ARHGEF38: variants seen among roughly 807,000 people sequenced by gnomAD.
ARHGEF38 encodes the protein Rho guanine nucleotide exchange factor (GEF) 38.
ARHGEF38 carries 79 observed loss-of-function variants against 79.9 expected under a neutral mutation model. The ratio of observed to expected loss-of-function variants is 0.99; its 90% CI spans 0.82 to 1.19. The LOEUF (loss-of-function observed/expected upper bound fraction) is 1.19, where lower values mean the gene tolerates loss of function less well. Ranked by LOEUF, ARHGEF38 falls within the 50% of genes most tolerant of loss-of-function variation. The pLI, the probability that ARHGEF38 is intolerant of heterozygous loss-of-function variation, is 0.00. For missense variants in ARHGEF38, 962 were observed against 907.2 expected (o/e 1.06, Z -0.78); for synonymous variants, 366 against 328.3 (o/e 1.11, Z -1.24).
At chr4:105,681,652 A>C (rs1731314138), downstream of ARHGEF38, among the ~76,000 whole-genome samples, 1 of 152,300 alleles carries the variant, frequency 6.6e-6, no homozygotes, top group East Asian at 1.9e-4. Context: ...GACTTAACCC[A>C]CTTATGCCTA....
At chr4:105,650,793 TA>T (rs1460913331) in intron 7 of ARHGEF38, among the ~76,000 whole-genome samples, 1 of 152,242 alleles carries the variant, frequency 6.6e-6, no homozygotes, top group African/African-American at 2.4e-5. Flanking sequence ...AATATCCTTC[TA>T]GGGGCTAACT....
At chr4:105,584,069 A>C (rs1231996830) in intron 1 of ARHGEF38, among the ~76,000 whole-genome samples, 1 of 152,210 alleles carries the variant, frequency 6.6e-6, no homozygotes, top group African/African-American at 2.4e-5. Context: ...TTCATGAAAA[A>C]CAAATAGGAG....
At chr4:105,657,736 A>G (rs991174407) in intron 9 of ARHGEF38, among the ~76,000 whole-genome samples, 2 of 152,182 alleles carry the variant, frequency 1.3e-5, no homozygotes, top group Admixed American at 1.3e-4. Flanking sequence ...TATATTGACT[A>G]TCTCATAAGC....
chr4:105,595,233 T>C (rs1355764056), intron 2 of ARHGEF38, among the ~76,000 whole-genome samples: 1 of 152,210 alleles, frequency 6.6e-6, no homozygotes, highest in African/African-American at 2.4e-5. Context: ...ATATTTCAAG[T>C]GTATGTGTTT....
At chr4:105,659,460 G>A in intron 10 of ARHGEF38, 95 bp downstream of exon 10, 1 of 1,189,890 alleles carries the variant, frequency 8.4e-7, no homozygotes, top group Non-Finnish European at 1.2e-6. Flanking sequence ...GTGTGCACAT[G>A]TATGCCGTGT....
chr4:105,575,377 T>C (rs894648413), intron 1 of ARHGEF38, among the ~76,000 whole-genome samples: 1 of 152,230 alleles, frequency 6.6e-6, no homozygotes, highest in African/African-American at 2.4e-5. Context: ...TATCCCATTG[T>C]GGCTTTAATT....
chr4:105,583,256 A>G (rs1465720236), intron 1 of ARHGEF38, among the ~76,000 whole-genome samples: 1 of 152,362 alleles, frequency 6.6e-6, no homozygotes, highest in South Asian at 2.1e-4. Flanking sequence ...ATTTAAAAAC[A>G]TCTAAAGTTC....
chr4:105,621,611 T>C (rs1437063128), intron 3 of ARHGEF38, among the ~76,000 whole-genome samples: 1 of 152,226 alleles, frequency 6.6e-6, no homozygotes, highest in African/African-American at 2.4e-5. Context: ...GTCCCTGAAG[T>C]AGAAATCTGT....
chr4:105,613,580 T>A, intron 3 of ARHGEF38, 73 bp downstream of exon 3: 1 of 1,557,106 alleles, frequency 6.4e-7, no homozygotes, highest in Non-Finnish European at 8.8e-7. Flanking sequence ...TTTGCTTTGG[T>A]TTTTTGTTCC....
intron 13 of ARHGEF38, among the ~76,000 whole-genome samples, chr4:105,668,017 T>C (rs1386968385): frequency 6.6e-6 from 1 of 152,022 alleles, no homozygotes; most frequent in Non-Finnish European, 1.5e-5. Flanking sequence ...TTATACCCCC[T>C]CCATCAAAGA....
chr4:105,602,850 T>C (rs1008570528), intron 2 of ARHGEF38, among the ~76,000 whole-genome samples: 1 of 152,150 alleles, frequency 6.6e-6, no homozygotes, highest in Non-Finnish European at 1.5e-5. Flanking sequence ...GAGAAATTTT[T>C]AGCAATTTAA....
At chr4:105,643,292 C>T (rs1729698806) in intron 5 of ARHGEF38, among the ~76,000 whole-genome samples, 1 of 152,066 alleles carries the variant, frequency 6.6e-6, no homozygotes, top group Admixed American at 6.6e-5. Flanking sequence ...TGCCTCCTTC[C>T]CCCTCTGTCA....
intron 13 of ARHGEF38, among the ~76,000 whole-genome samples, chr4:105,668,498 G>T (rs1372054066): frequency 6.6e-6 from 1 of 152,122 alleles, no homozygotes. Flanking sequence ...TAATTATAGT[G>T]CAGGACTTGT....
chr4:105,625,175 G>A (rs1026948299), intron 3 of ARHGEF38, among the ~76,000 whole-genome samples: 2 of 152,056 alleles, frequency 1.3e-5, no homozygotes, highest in African/African-American at 2.4e-5. Flanking sequence ...GTTAATACAA[G>A]CAACATCCAA....
intron 1 of ARHGEF38, among the ~76,000 whole-genome samples, chr4:105,582,471 C>G (rs923777610): frequency 1.3e-5 from 2 of 152,052 alleles, no homozygotes; most frequent in African/African-American, 4.8e-5. Flanking sequence ...CTTCTATTCA[C>G]TTTAGTCATT....
intron 1 of ARHGEF38, among the ~76,000 whole-genome samples, chr4:105,560,371 T>C (rs1159940745): frequency 1.3e-5 from 2 of 152,344 alleles, no homozygotes; most frequent in East Asian, 3.9e-4. Flanking sequence ...ATTTTATGCC[T>C]GTTGTCATTT....
intron 1 of ARHGEF38, among the ~76,000 whole-genome samples, chr4:105,555,599 C>T (rs1017059893): frequency 6.6e-6 from 1 of 152,118 alleles, no homozygotes; most frequent in African/African-American, 2.4e-5. Flanking sequence ...TGGTTAGAGC[C>T]CTCAGATAGA....
chr4:105,606,320 G>A (rs1728038764), intron 2 of ARHGEF38, among the ~76,000 whole-genome samples: 1 of 151,978 alleles, frequency 6.6e-6, no homozygotes, highest in Non-Finnish European at 1.5e-5. Flanking sequence ...TGAAAGCAGT[G>A]CTGTTTATTT....
intron 2 of ARHGEF38, among the ~76,000 whole-genome samples, chr4:105,596,203 A>G (rs1475656515): frequency 3.9e-5 from 6 of 152,150 alleles, no homozygotes; most frequent in African/African-American, 1.4e-4. Flanking sequence ...ACATCCTACA[A>G]AATCTCTCCC....
Sources: gnomAD v4.1 joint callset for allele counts (sites outside exome capture counted in the v4.1 genomes callset) on GRCh38, gnomAD v4.1.1 for gene constraint, MANE v1.5 for transcripts, NCBI Gene and HGNC (gene_info 2026-07-23, HGNC 2026-07-21) for gene names.